DCP2: variants seen among roughly 807,000 people sequenced by gnomAD.
The protein encoded by DCP2 is decapping mRNA 2.
In DCP2, 30 loss-of-function variants were observed where a neutral mutation model predicts 56.1. The observed-to-expected ratio is 0.53, with a 90% CI of 0.40 to 0.73. The LOEUF (loss-of-function observed/expected upper bound fraction) is 0.73. Among genes scored for constraint, DCP2 ranks in the 30% least tolerant of loss-of-function variants. The pLI, the probability that DCP2 is intolerant of heterozygous loss-of-function variation, is 0.00. For missense variants in DCP2, 533 were observed against 502.7 expected, an observed-to-expected ratio of 1.06 and a Z score of -0.58; for synonymous variants, 197 against 163.3, an observed-to-expected ratio of 1.21 and a Z score of -1.57.
At chr5:113,011,160 T>C (rs1413695506) in intron 10 of DCP2, among the ~76,000 whole-genome samples, 2 of 152,140 alleles carry the variant, frequency 1.3e-5, no homozygotes, top group Non-Finnish European at 2.9e-5. Flanking sequence ...ATATAAGGGG[T>C]GCACTGACTT....
intron 8 of DCP2, among the ~76,000 whole-genome samples, chr5:113,004,758 A>G (rs536487136): frequency 2.0e-5 from 3 of 151,886 alleles, no homozygotes; most frequent in African/African-American, 7.3e-5. Context: ...ATCGTTGCAC[A>G]TCTTTACTAA....
At position 112,976,920 on chromosome 5, in the gene DCP2, T is replaced by A. The variant is rs1207079849; in HGVS notation, c.-14T>A. The A allele has an allele frequency of 6.2e-7, 1 of 1,613,310 alleles. No homozygotes were observed. Among genetic ancestry groups the A allele is most frequent in the East Asian group, 2.2e-5 (1 of 44,832 alleles). On this transcript the variant is annotated 5_prime_UTR_variant, in exon 1 of 11. Transcript: ENST00000389063. ...CGGAGCCGGGATGCACTGTTCCTGCTGTGGGTCCTCATCATGGAGACCAAA... is the reference window on the plus strand; with the variant it reads ...CGGAGCCGGGATGCACTGTTCCTGCAGTGGGTCCTCATCATGGAGACCAAA...
At chr5:113,008,452 T>C (rs1749540587) in intron 9 of DCP2, 1 of 143,366 alleles carries the variant, frequency 7.0e-6, no homozygotes, top group Non-Finnish European at 1.5e-5. Context: ...CTATTGTCAT[T>C]AGATTTTGCT....
Position 113,015,010 on chromosome 5 carries a change from G to A in DCP2, c.*1526G>A, listed in dbSNP as rs13186334. On this transcript the variant is annotated 3_prime_UTR_variant, in exon 11 of 11. Coordinates refer to ENST00000389063, the MANE Select transcript of DCP2 (RefSeq NM_152624.6). ...AGAAATTCTATTTATTAATGAAAGT[G>A]TCACCCTTTTGGTGCTAAGCAGGAG... The A allele has an allele frequency of 0.4, 61,540 of 152,460 alleles. 14,628 individuals carry two copies. The highest frequency in any genetic ancestry group is 0.62 in the East Asian group (3,230 of 5,174). The allele number at this position is 152,460 out of a possible 1,614,324, so 9.4% of individuals were successfully genotyped here. A position where few individuals can be genotyped will look rare whatever the true frequency, so the allele number is the denominator to read the frequency against.
At position 113,017,259 on chromosome 5, in the gene DCP2, G is replaced by C. The variant is rs1749927121; in HGVS notation, c.*3775G>C. 1 of 152,034 alleles carries C rather than the reference G, an allele frequency of 6.6e-6. No individual in the cohort carries two copies. Among genetic ancestry groups the C allele is most frequent in the Admixed American group, 6.6e-5 (1 of 15,252 alleles). The allele number at this position is 152,034 out of a possible 1,614,324, so 9.4% of individuals were successfully genotyped here. On this transcript the variant is annotated 3_prime_UTR_variant, in exon 11 of 11. Transcript: ENST00000389063. ...GATTATTTTCTAGCCTGGGGGATGG[G>C]GTTCATATGTGTTGTTGTAACTTTA... is the stretch of plus-strand genomic sequence containing the variant.
chr5:113,007,533 T>C (rs1749496315), intron 8 of DCP2, among the ~76,000 whole-genome samples: 1 of 152,138 alleles, frequency 6.6e-6, no homozygotes, highest in South Asian at 2.1e-4. Flanking sequence ...CCTGAGTAGC[T>C]GGGACTATAG....
rs370472431 is a variant in DCP2 at position 112,995,488 on chromosome 5, G to C, written c.432+2718G>C. ...CTAACGGCAGTAAGGTGGTTGTCCAGGTCAGGAAGAGGATATTACATTGGT... is the reference window on the plus strand; with the variant it reads ...CTAACGGCAGTAAGGTGGTTGTCCACGTCAGGAAGAGGATATTACATTGGT... On this transcript the variant is annotated intron_variant, in intron 4 of 10. Transcript: ENST00000389063. Among the ~76,000 whole-genome samples, 14 of 152,302 alleles carry C rather than the reference G, an allele frequency of 9.2e-5. No individual in the cohort carries two copies. In the East Asian group the frequency reaches 2.1e-3, roughly 23 times the overall value.
intron 7 of DCP2, 92 bp from the exon 8 acceptor site, chr5:113,003,850 A>C: frequency 2.1e-6 from 3 of 1,405,962 alleles, no homozygotes. Flanking sequence ...GTAAATAAGA[A>C]AATATGTAGT....
intron 1 of DCP2, among the ~76,000 whole-genome samples, chr5:112,981,754 C>G (rs1485108452): frequency 6.6e-6 from 1 of 151,950 alleles, no homozygotes; most frequent in Non-Finnish European, 1.5e-5. Flanking sequence ...GTTACTATTG[C>G]TTGATTCCTT....
chr5:112,977,890 G>A (rs1747793744), intron 1 of DCP2, among the ~76,000 whole-genome samples: 1 of 152,184 alleles, frequency 6.6e-6, no homozygotes, highest in African/African-American at 2.4e-5. Context: ...GCTTTTAGTA[G>A]TTGTATCTCC....
intron 4 of DCP2, among the ~76,000 whole-genome samples, chr5:112,997,841 C>A (rs1748938257): frequency 6.6e-6 from 1 of 152,082 alleles, no homozygotes; most frequent in Admixed American, 6.6e-5. Flanking sequence ...TCTTGAACTC[C>A]TGACCTCGTG....
At chr5:112,987,498 G>T (rs1420901888) in intron 2 of DCP2, among the ~76,000 whole-genome samples, 4 of 152,014 alleles carry the variant, frequency 2.6e-5, no homozygotes, top group Admixed American at 2.0e-4. Context: ...TGTTGACCAG[G>T]CTGGAGTGTG....
chr5:113,015,449 AAG>A lies in DCP2; in HGVS notation c.*1969_*1970del, dbSNP rs1293979197. The A allele has an allele frequency of 8.5e-5, 13 of 152,448 alleles. No homozygotes were observed. The highest frequency in any genetic ancestry group is 8.5e-4 in the Admixed American group (13 of 15,270). 9.4% of individuals were successfully genotyped at this position (152,448 alleles called of 1,614,324 possible). On this transcript the variant is annotated 3_prime_UTR_variant, in exon 11 of 11. Transcript: ENST00000389063. Reference sequence around the variant, plus strand: ...TTTTCAGCTCTCAATACTGAAGCAAAAGAGATTATAGTTACCAGAAGTATGGC... The same window carrying A: ...TTTTCAGCTCTCAATACTGAAGCAAAAGATTATAGTTACCAGAAGTATGGC...
At chr5:112,992,280 A>T in intron 3 of DCP2, 32 bp downstream of exon 3, 1 of 1,595,372 alleles carries the variant, frequency 6.3e-7, no homozygotes, top group Non-Finnish European at 8.5e-7. Context: ...TTTTTAGTGA[A>T]ATGGTGATCG....
At chr5:113,008,199 A>G in intron 9 of DCP2, 157 bp downstream of exon 9, 3 of 546,610 alleles carry the variant, frequency 5.5e-6, no homozygotes, top group East Asian at 2.8e-5. Flanking sequence ...TATTCACACT[A>G]AAAATCTCTG....
chr5:113,003,682 A>AT (rs961569626), intron 7 of DCP2, among the ~76,000 whole-genome samples: 1 of 150,308 alleles, frequency 6.7e-6, no homozygotes, highest in Admixed American at 6.6e-5. Context: ...GGCCTGGATA[A>AT]TTTTTTTAAG....
At chr5:113,005,153 T>TGTGTGGGTGTGTGG (rs771436317) in intron 8 of DCP2, among the ~76,000 whole-genome samples, 2 of 149,444 alleles carry the variant, frequency 1.3e-5, no homozygotes, top group Non-Finnish European at 3.0e-5. Context: ...TGCGTGTGGG[T>TGTGTGGGTGTGTGG]GTGTGTGTGT....
At position 113,021,700 on chromosome 5, in the gene DCP2, G is replaced by C. The variant is rs1194397682; in HGVS notation, c.*8216G>C. Among the ~76,000 whole-genome samples the C allele has an allele frequency of 8.4e-6, 1 of 118,706 alleles. No individual in the cohort carries two copies. The highest frequency in any genetic ancestry group is 1.9e-5 in the Non-Finnish European group (1 of 51,434). 77.9% of individuals were successfully genotyped at this position (118,706 alleles called of 152,430 possible). On this transcript the variant is annotated 3_prime_UTR_variant, in exon 11 of 11. Coordinates refer to ENST00000389063, the MANE Select transcript of DCP2 (RefSeq NM_152624.6). ...GAGTGACTAAGGTGTTATACTTACT[G>C]TCAAAGTTACTTTGCTTCCATAGTG... is the stretch of plus-strand genomic sequence containing the variant.
At chr5:112,985,287 T>TC (rs1048158882) in intron 1 of DCP2, among the ~76,000 whole-genome samples, 63 of 152,280 alleles carry the variant, frequency 4.1e-4, no homozygotes, top group African/African-American at 1.5e-3. Context: ...GTCTTTCCTT[T>TC]CCCCAATGTA....
Sources: allele counts gnomAD v4.1 joint callset (sites outside exome capture counted in the v4.1 genomes callset), GRCh38; gene constraint gnomAD v4.1.1; transcripts MANE v1.5; gene names NCBI Gene and HGNC (gene_info 2026-07-23, HGNC 2026-07-21).